Variants in DNAH12 observed in about 807,000 individuals in gnomAD.
DNAH12 encodes dynein axonemal heavy chain 12, also known as axonemal beta dynein heavy chain 12.
Under a neutral mutation model 371.5 loss-of-function variants are expected in DNAH12, and 285 were observed. That is an observed-to-expected ratio of 0.77 (90% CI 0.70 to 0.85). DNAH12 has a LOEUF of 0.85. Ranked by LOEUF, DNAH12 falls within the 40% of genes least tolerant of loss-of-function variation. The probability of loss-of-function intolerance (pLI) is 0.00; values close to 1 mark genes in which losing one functional copy is unlikely to be tolerated. For missense variants in DNAH12, 3,611 were observed against 3,689.4 expected, an observed-to-expected ratio of 0.98 and a Z score of 0.55; for synonymous variants, 1,200 against 1,213.0, an observed-to-expected ratio of 0.99 and a Z score of 0.22.
chr3:57,487,399 G>GAAAAA (rs1288807796), intron 12 of DNAH12, among the ~76,000 whole-genome samples: 3 of 117,720 alleles, frequency 2.5e-5, no homozygotes, highest in African/African-American at 9.7e-5. Flanking sequence ...GAGAAAGAAA[G>GAAAAA]AAAGAAAAAA....
rs539034107 is a variant in DNAH12 at position 57,484,287 on chromosome 3, T to C, written c.1515-776A>G. ...GATCAAACCCTCAAACTCTTATACA[T>C]AGTTTCTTTAATTAACAGTTCTCTT... On this transcript the variant is annotated intron_variant, in intron 12 of 73. Coordinates refer to ENST00000495027, the MANE Select transcript of DNAH12 (RefSeq NM_001366028.2). Among the ~76,000 whole-genome samples, 278 of 152,282 alleles carry C rather than the reference T, an allele frequency of 1.8e-3. 2 individuals are homozygous for C. The Middle Eastern group carries it at 0.02, about 11-fold the overall frequency.
chr3:57,325,603 C>T (rs1407484732), intron 62 of DNAH12, among the ~76,000 whole-genome samples: 1 of 152,178 alleles, frequency 6.6e-6, no homozygotes, highest in East Asian at 1.9e-4. Context: ...AAAGTAGATA[C>T]AACCACAAAG....
intron 43 of DNAH12, among the ~76,000 whole-genome samples, chr3:57,399,153 C>A (rs1159522508): frequency 3.3e-5 from 5 of 149,508 alleles, no homozygotes; most frequent in Admixed American, 2.7e-4. Flanking sequence ...TGGTTAACTA[C>A]AAAGAAAACA....
At position 57,369,228 on chromosome 3, in the gene DNAH12, A is replaced by AT. The variant is rs1553666815; in HGVS notation, c.8760-969_8760-968insA. 9.6e-3 allele frequency among the ~76,000 whole-genome samples: 1,261 copies of AT among 131,672 alleles called. 14 individuals carry two copies. Among genetic ancestry groups the AT allele is most frequent in the African/African-American group, 0.022 (814 of 36,872 alleles). The allele number at this position is 131,672 out of a possible 152,430, so 86.4% of individuals were successfully genotyped here. On this transcript the variant is annotated intron_variant, in intron 55 of 73. Coordinates refer to ENST00000495027, the MANE Select transcript of DNAH12 (RefSeq NM_001366028.2). The stretch of plus-strand genomic sequence containing the variant: ...AAGATTGAAACTCCATTAAAAAAAA[A>AT]ATATATATATATATATATATAAAAC...
Position 57,430,883 on chromosome 3 carries a change from G to A in DNAH12, c.4981-1109C>T, listed in dbSNP as rs182847471. 1.9e-3 allele frequency among the ~76,000 whole-genome samples: 284 copies of A among 152,152 alleles called. 2 individuals carry two copies. The highest frequency in any genetic ancestry group is 3.4e-3 in the Non-Finnish European group (228 of 68,000). ...GATCTAGAGGTGGATTGTCCAATAC[G>A]GTAGCTGCTAGCCATATGTGGCTAT... On this transcript the variant is annotated intron_variant, in intron 32 of 73. Coordinates refer to ENST00000495027, the MANE Select transcript of DNAH12 (RefSeq NM_001366028.2).
At chr3:57,420,418 G>A (rs2064533672) in intron 36 of DNAH12, among the ~76,000 whole-genome samples, 2 of 152,006 alleles carry the variant, frequency 1.3e-5, no homozygotes, top group African/African-American at 2.4e-5. Context: ...TTGGGTGAAT[G>A]TTTCTTTAGT....
intron 17 of DNAH12, among the ~76,000 whole-genome samples, chr3:57,466,706 G>T (rs981656914): frequency 3.3e-5 from 5 of 152,100 alleles, no homozygotes; most frequent in Non-Finnish European, 5.9e-5. Flanking sequence ...ACCCTGTGTT[G>T]CTGCACTTAG....
intron 71 of DNAH12, 106 bp from the exon 72 acceptor site, chr3:57,296,541 A>G (rs1028711959): frequency 1.9e-5 from 17 of 876,346 alleles, no homozygotes; most frequent in Non-Finnish European, 2.9e-5. Flanking sequence ...ACTCTATTGT[A>G]TAATAGCTTG....
At chr3:57,313,643 ACT>A (rs903631128) in intron 66 of DNAH12, among the ~76,000 whole-genome samples, 4 of 151,974 alleles carry the variant, frequency 2.6e-5, no homozygotes, top group Admixed American at 6.6e-5. Flanking sequence ...ACAGAGTGAA[ACT>A]CTGTTTCCAA....
rs1388838598 is a variant in DNAH12 at position 57,377,144 on chromosome 3, T to G, written c.8302A>C (p.Arg2768=). The G allele has an allele frequency of 6.6e-6, 1 of 152,174 alleles. No homozygotes were observed. Among genetic ancestry groups the G allele is most frequent in the Non-Finnish European group, 1.5e-5 (1 of 68,020 alleles). 9.4% of individuals were successfully genotyped at this position (152,174 alleles called of 1,614,324 possible). The change falls in exon 53 of 74, where the codon AGA becomes CGA. Residue 2768 remains arginine (R), a synonymous_variant. Transcript: ENST00000495027. ...AETMELLNQK[R]AELAEVEHHL... Reference sequence around the variant, plus strand: ...TGTTCTACTTCTGCCAGTTCTGCTCTCTTCTGATTCAAAAGCTCCATTGTC... The same window carrying G: ...TGTTCTACTTCTGCCAGTTCTGCTCGCTTCTGATTCAAAAGCTCCATTGTC...
At chr3:57,502,994 A>G (rs1381705449) in intron 9 of DNAH12, among the ~76,000 whole-genome samples, 1 of 152,226 alleles carries the variant, frequency 6.6e-6, no homozygotes, top group Non-Finnish European at 1.5e-5. Flanking sequence ...TGTAGATCTT[A>G]TACTATATTT....
chr3:57,432,511 G>A (rs1437955951), intron 32 of DNAH12, among the ~76,000 whole-genome samples: 1 of 38,314 alleles, frequency 2.6e-5, no homozygotes, highest in Admixed American at 2.7e-4. Flanking sequence ...AATTAAATGA[G>A]TTTGTTTATT....
intron 2 of DNAH12, among the ~76,000 whole-genome samples, chr3:57,541,532 A>ATT (rs1418705624): frequency 7.0e-6 from 1 of 143,714 alleles, no homozygotes; most frequent in Non-Finnish European, 1.5e-5. Context: ...CACCTGGCTA[A>ATT]TTTTTTTTTT....
At chr3:57,301,669 A>T (rs956390342) in intron 70 of DNAH12, 66 bp downstream of exon 70, 8 of 1,484,294 alleles carry the variant, frequency 5.4e-6, no homozygotes, top group Non-Finnish European at 7.3e-6. Flanking sequence ...ATATTTATAC[A>T]TGTATTTTAC....
At chr3:57,378,228 G>C (rs1018227223) in intron 52 of DNAH12, among the ~76,000 whole-genome samples, 1 of 152,052 alleles carries the variant, frequency 6.6e-6, no homozygotes, top group Non-Finnish European at 1.5e-5. Context: ...GAAAAAGCCT[G>C]AGTGCCTTGG....
Position 57,403,291 on chromosome 3 carries a change from G to C in DNAH12, c.6948+18C>G. The stretch of plus-strand genomic sequence containing the variant: ...ATACTGTTTTCATTTTAGATACTAG[G>C]CTTCTTCATAATTTTACCTTCATAT... On this transcript the variant is annotated intron_variant, in intron 43 of 73. Transcript: ENST00000495027. 1 of 1,531,166 alleles carries C rather than the reference G, an allele frequency of 6.5e-7. No individual in the cohort carries two copies. 94.8% of individuals were successfully genotyped at this position (1,531,166 alleles called of 1,614,324 possible). A position where few individuals can be genotyped will look rare whatever the true frequency, so the allele number is the denominator to read the frequency against.
chr3:57,412,936 G>A (rs1386703387), intron 39 of DNAH12, among the ~76,000 whole-genome samples: 1 of 152,120 alleles, frequency 6.6e-6, no homozygotes. Flanking sequence ...GTGTTCCTTG[G>A]TATTTACTCA....
At chr3:57,453,436 T>A in intron 23 of DNAH12, 33 bp from the exon 24 acceptor site, 1 of 1,469,950 alleles carries the variant, frequency 6.8e-7, no homozygotes. Flanking sequence ...ATCTAATTGA[T>A]GTCACATCAT....
chr3:57,406,183 T>A (rs2064019459), intron 40 of DNAH12, among the ~76,000 whole-genome samples: 1 of 151,814 alleles, frequency 6.6e-6, no homozygotes, highest in Admixed American at 6.6e-5. Flanking sequence ...AAACCCTGTC[T>A]CTACTAAAAA....
Sources: gnomAD v4.1 joint callset for allele counts (sites outside exome capture counted in the v4.1 genomes callset) on GRCh38, gnomAD v4.1.1 for gene constraint, MANE v1.5 for transcripts, NCBI Gene and HGNC (gene_info 2026-07-23, HGNC 2026-07-21) for gene names.